The following PRKAG2 variants were observed in gnomAD, a reference collection of about 807,000 sequenced individuals.
PRKAG2 encodes the protein protein kinase AMP-activated non-catalytic subunit gamma 2.
In PRKAG2, 26 loss-of-function variants were observed where a neutral mutation model predicts 69.6. That is an observed-to-expected ratio of 0.37 (90% CI 0.27 to 0.52). PRKAG2 has a LOEUF of 0.52. Ranked by LOEUF, PRKAG2 falls within the 20% of genes least tolerant of loss-of-function variation. The probability of loss-of-function intolerance (pLI) is 0.90; values close to 1 mark genes in which losing one functional copy is unlikely to be tolerated. For synonymous variants in PRKAG2, 293 were observed against 285.0 expected (o/e 1.03, Z -0.28); for missense variants, 557 against 740.0 (o/e 0.75, Z 2.87).
intron 5 of PRKAG2, 72 bp downstream of exon 5, chr7:151,631,997 C>A: frequency 8.6e-7 from 1 of 1,160,138 alleles, no homozygotes; most frequent in Non-Finnish European, 1.1e-6. Flanking sequence ...GGCGCGGGGT[C>A]CCCGCGGGTC....
chr7:151,756,633 G>A lies in PRKAG2; in HGVS notation c.466+24519C>T, dbSNP rs966837219. ...CATAGCTACAGCCCCTTTGGCTCCC[G>A]TTCCTGCCAGACAGACCAACTGCAG... On this transcript the variant is annotated intron_variant, in intron 3 of 15. Transcript: ENST00000287878. This position sits in a 1 kb window ranked among gnomAD's most constrained non-coding sequence, Gnocchi z 4.9. Among the ~76,000 whole-genome samples, 1 of 152,182 alleles carries A rather than the reference G, an allele frequency of 6.6e-6. No homozygotes were observed. Among genetic ancestry groups the A allele is most frequent in the Non-Finnish European group, 1.5e-5 (1 of 68,036 alleles).
intron 5 of PRKAG2, among the ~76,000 whole-genome samples, chr7:151,626,364 C>G (rs947291566): frequency 4.6e-5 from 7 of 152,154 alleles, no homozygotes; most frequent in African/African-American, 1.7e-4. Context: ...GTACCTAGAC[C>G]CTACAGAATA....
chr7:151,631,974 G>C, intron 5 of PRKAG2, 95 bp downstream of exon 5: 2 of 1,093,682 alleles, frequency 1.8e-6, no homozygotes, highest in Non-Finnish European at 2.3e-6. Flanking sequence ...CCGTGGGGCA[G>C]CGCCGGAGAT....
chr7:151,634,480 C>T (rs1233783199), intron 4 of PRKAG2, among the ~76,000 whole-genome samples: 1 of 152,142 alleles, frequency 6.6e-6, no homozygotes, highest in Non-Finnish European at 1.5e-5. Flanking sequence ...AGAATTTTTG[C>T]TCTGCGAAAG....
chr7:151,750,195 T>C (rs2074573162), intron 3 of PRKAG2, among the ~76,000 whole-genome samples: 1 of 151,678 alleles, frequency 6.6e-6, no homozygotes, highest in African/African-American at 2.4e-5. Context: ...CACTGCACTG[T>C]GGAAAACATT....
chr7:151,800,086 G>A (rs886403463), intron 1 of PRKAG2, among the ~76,000 whole-genome samples: 36 of 150,676 alleles, frequency 2.4e-4, no homozygotes, highest in African/African-American at 7.3e-4. Flanking sequence ...GGCCGGGTGC[G>A]GTGGCTCATG....
At chr7:151,808,307 C>CT (rs923970541) in intron 1 of PRKAG2, among the ~76,000 whole-genome samples, 13 of 151,684 alleles carry the variant, frequency 8.6e-5, no homozygotes, top group African/African-American at 9.7e-5. Flanking sequence ...ACTCTGGATT[C>CT]TTTTTTTTTC....
chr7:151,756,683 C>A lies in PRKAG2; in HGVS notation c.466+24469G>T, dbSNP rs1292567533. Among the ~76,000 whole-genome samples, 1 of 152,182 alleles carries A rather than the reference C, an allele frequency of 6.6e-6. No homozygotes were observed. Among genetic ancestry groups the A allele is most frequent in the East Asian group, 1.9e-4 (1 of 5,182 alleles). Reference sequence around the variant, plus strand: ...GCTCCTGGTTCCAGCCCCGCCAGGGCTCCCAGCGCCGCCCTCTTCCCTTCT... The same window carrying A: ...GCTCCTGGTTCCAGCCCCGCCAGGGATCCCAGCGCCGCCCTCTTCCCTTCT... On this transcript the variant is annotated intron_variant, in intron 3 of 15. Transcript: ENST00000287878. The surrounding 1 kb of genome is among the most constrained non-coding windows in gnomAD (Gnocchi z 4.9).
At chr7:151,707,016 C>T (rs1045064132) in intron 3 of PRKAG2, among the ~76,000 whole-genome samples, 1 of 152,266 alleles carries the variant, frequency 6.6e-6, no homozygotes, top group African/African-American at 2.4e-5. Flanking sequence ...GGCCTTCCCC[C>T]TCGGCTGCGT....
intron 1 of PRKAG2, among the ~76,000 whole-genome samples, chr7:151,819,965 G>A (rs183587823): frequency 3.3e-5 from 5 of 152,328 alleles, no homozygotes; most frequent in East Asian, 1.9e-4. Flanking sequence ...TTTAAGTGAC[G>A]TGCCCAAGGT....
chr7:151,717,252 GAAA>G (rs79756428), intron 3 of PRKAG2, among the ~76,000 whole-genome samples: 39 of 94,174 alleles, frequency 4.1e-4, no homozygotes, highest in African/African-American at 1.3e-3. Flanking sequence ...ATGTCAAAAA[GAAA>G]AAAAAAAAAA....
chr7:151,752,946 C>T (rs2074807737), intron 3 of PRKAG2, among the ~76,000 whole-genome samples: 1 of 152,240 alleles, frequency 6.6e-6, no homozygotes, highest in South Asian at 2.1e-4. Flanking sequence ...TGACCGGCGT[C>T]CACTTCACCG....
Position 151,807,667 on chromosome 7 carries a change from C to T in PRKAG2, c.115-21126G>A, listed in dbSNP as rs1358324800. The T allele has an allele frequency of 2.2e-6, 1 of 453,112 alleles. No homozygotes were observed. The highest frequency in any genetic ancestry group is 2.0e-5 in the African/African-American group (1 of 49,996). The allele number at this position is 453,112 out of a possible 1,614,324, so 28.1% of individuals were successfully genotyped here. A position where few individuals can be genotyped will look rare whatever the true frequency, so the allele number is the denominator to read the frequency against. Reference sequence around the variant, plus strand: ...CCCAGCAGGGTGCGATGTCCCAAACCTACACAACCGTTTCCACTGCCTATT... The same window carrying T: ...CCCAGCAGGGTGCGATGTCCCAAACTTACACAACCGTTTCCACTGCCTATT... On this transcript the variant is annotated intron_variant, in intron 1 of 15. Coordinates refer to ENST00000287878, the MANE Select transcript of PRKAG2 (RefSeq NM_016203.4). This position sits in a 1 kb window ranked among gnomAD's most constrained non-coding sequence, Gnocchi z 4.4.
At chr7:151,603,947 A>T (rs1816850966) in intron 5 of PRKAG2, among the ~76,000 whole-genome samples, 1 of 147,394 alleles carries the variant, frequency 6.8e-6, no homozygotes, top group African/African-American at 2.6e-5. Context: ...ATTTACTTCA[A>T]CCTAGGTATA....
At chr7:151,819,393 A>C (rs1463030930) in intron 1 of PRKAG2, among the ~76,000 whole-genome samples, 2 of 152,224 alleles carry the variant, frequency 1.3e-5, no homozygotes, top group African/African-American at 4.8e-5. Flanking sequence ...ATAGGCCACC[A>C]GTCCCAAGGC....
intron 13 of PRKAG2, among the ~76,000 whole-genome samples, chr7:151,564,804 G>T (rs1805847757): frequency 6.6e-6 from 1 of 152,122 alleles, no homozygotes; most frequent in African/African-American, 2.4e-5. Context: ...ATATTTCTCG[G>T]TGACTGTTAT....
chr7:151,629,066 G>C (rs916494852), intron 5 of PRKAG2, among the ~76,000 whole-genome samples: 5 of 152,162 alleles, frequency 3.3e-5, no homozygotes, highest in African/African-American at 1.2e-4. Flanking sequence ...TATGCCTGAG[G>C]GCCAAATCTG....
intron 6 of PRKAG2, among the ~76,000 whole-genome samples, chr7:151,579,855 G>A (rs1013488638): frequency 2.0e-5 from 3 of 152,124 alleles, no homozygotes; most frequent in Non-Finnish European, 4.4e-5. Context: ...GCAGGCTGAC[G>A]GCTGACTTTC....
intron 1 of PRKAG2, among the ~76,000 whole-genome samples, chr7:151,832,671 G>A (rs2079065754): frequency 6.6e-6 from 1 of 151,686 alleles, no homozygotes; most frequent in Non-Finnish European, 1.5e-5. Flanking sequence ...AAGGAACGCA[G>A]GATCCATGTC....
Sources: gnomAD v4.1 joint callset for allele counts (sites outside exome capture counted in the v4.1 genomes callset) on GRCh38, gnomAD v4.1.1 for gene constraint, Gnocchi (gnomAD v3.1) non-coding constraint, MANE v1.5 for transcripts, NCBI Gene and HGNC (gene_info 2026-07-23, HGNC 2026-07-21) for gene names.